The following PSD3 variants were observed in gnomAD, a reference collection of about 807,000 sequenced individuals.
PSD3 encodes the protein PH and SEC7 domain-containing protein 3.
PSD3 carries 49 observed loss-of-function variants against 105.5 expected under a neutral mutation model. The observed-to-expected ratio is 0.46, with a 90% confidence interval of 0.37 to 0.59. The LOEUF is 0.59. Among genes scored for constraint, PSD3 ranks in the 20% least tolerant of loss-of-function variants. PSD3 has a pLI of 0.00. For missense variants in PSD3, 1,561 were observed against 1,263.8 expected, an observed-to-expected ratio of 1.24 and a Z score of -3.57; for synonymous variants, 557 against 457.8, an observed-to-expected ratio of 1.22 and a Z score of -2.77.
At chr8:18,632,324 C>G (rs1411738623) in intron 11 of PSD3, among the ~76,000 whole-genome samples, 1 of 152,024 alleles carries the variant, frequency 6.6e-6, no homozygotes, top group African/African-American at 2.4e-5. Context: ...GTGGCTGGCA[C>G]AGCAGGTAGT....
At chr8:19,074,611 A>ATTTATATAT (rs1829396570) in intron 1 of PSD3, among the ~76,000 whole-genome samples, 1 of 24,230 alleles carries the variant, frequency 4.1e-5, no homozygotes, top group Non-Finnish European at 7.4e-5. Flanking sequence ...ATATATATAT[A>ATTTATATAT]TTTTTTTTTT....
At position 18,939,845 on chromosome 8, in the gene PSD3, C is replaced by G. The variant is rs528822445; in HGVS notation, c.22-3703G>C. ...AAATCACTTTAGTGGATCATGACCA[C>G]ATTTTTATATCAATAAGTTTATACA... On this transcript the variant is annotated intron_variant, in intron 1 of 15. Transcript: ENST00000327040. 8.5e-5 allele frequency among the ~76,000 whole-genome samples: 13 copies of G among 152,232 alleles called. No individual in the cohort carries two copies. In the East Asian group the frequency reaches 2.1e-3, roughly 25 times the overall value.
rs1799653041 is a variant in PSD3, at chr8:18,532,030, A to G, written c.*3713T>C. On this transcript the variant is annotated 3_prime_UTR_variant, in exon 16 of 16. Coordinates refer to ENST00000327040, the MANE Select transcript of PSD3 (RefSeq NM_015310.4). ...GCCAAAGGAACTCAATTTCAAGGAC[A>G]ATTAATGAAACCCAAAAGGTTTTGT... is the stretch of plus-strand genomic sequence containing the variant. 1 of 152,228 alleles carries G rather than the reference A, an allele frequency of 6.6e-6. No homozygotes were observed. The highest frequency in any genetic ancestry group is 1.5e-5 in the Non-Finnish European group (1 of 68,044). The allele number at this position is 152,228 out of a possible 1,614,324, so 9.4% of individuals were successfully genotyped here. A position where few individuals can be genotyped will look rare whatever the true frequency, so the allele number is the denominator to read the frequency against.
chr8:19,042,396 C>G (rs1053980304), intron 1 of PSD3, among the ~76,000 whole-genome samples: 2 of 152,094 alleles, frequency 1.3e-5, no homozygotes, highest in Non-Finnish European at 2.9e-5. Context: ...GCACACGTTT[C>G]AAACCAAAGT....
At chr8:19,040,734 A>G (rs1014091057) in intron 1 of PSD3, among the ~76,000 whole-genome samples, 3 of 152,180 alleles carry the variant, frequency 2.0e-5, no homozygotes, top group African/African-American at 7.2e-5. Flanking sequence ...GGTGCAAGTG[A>G]TGAGCTTACT....
chr8:18,662,507 T>C (rs551110440), intron 9 of PSD3, among the ~76,000 whole-genome samples: 2 of 152,358 alleles, frequency 1.3e-5, no homozygotes, highest in African/African-American at 2.4e-5. Context: ...AAAGATTTGA[T>C]AAAACAGAGA....
At chr8:18,873,653 T>C (rs1056214530) in intron 2 of PSD3, among the ~76,000 whole-genome samples, 4 of 152,196 alleles carry the variant, frequency 2.6e-5, no homozygotes, top group African/African-American at 4.8e-5. Flanking sequence ...ATAGTCACCA[T>C]GTTCTACAAC....
intron 11 of PSD3, among the ~76,000 whole-genome samples, chr8:18,629,253 G>C (rs1184634464): frequency 2.6e-5 from 4 of 151,872 alleles, no homozygotes; most frequent in African/African-American, 9.7e-5. Flanking sequence ...ATATATATAG[G>C]TATAAGGGAT....
chr8:18,932,288 AT>A (rs1194335032), intron 2 of PSD3, among the ~76,000 whole-genome samples: 2 of 152,232 alleles, frequency 1.3e-5, no homozygotes, highest in African/African-American at 4.8e-5. Context: ...TGCAGCTGCC[AT>A]CAGCACTTTG....
At chr8:18,854,435 G>A (rs1251133308) in intron 4 of PSD3, 1 of 152,198 alleles carries the variant, frequency 6.6e-6, no homozygotes, top group Non-Finnish European at 1.5e-5. Context: ...CAAACCTCTA[G>A]TTTAACTCTT....
At chr8:18,984,183 C>G (rs1266017456) in intron 1 of PSD3, among the ~76,000 whole-genome samples, 4 of 120,596 alleles carry the variant, frequency 3.3e-5, no homozygotes, top group Non-Finnish European at 5.7e-5. Flanking sequence ...TGCCACAACC[C>G]TTCAATTAAA....
intron 2 of PSD3, among the ~76,000 whole-genome samples, chr8:18,886,397 C>T (rs1392621078): frequency 6.6e-6 from 1 of 152,090 alleles, no homozygotes; most frequent in African/African-American, 2.4e-5. Flanking sequence ...GCGCGGGCAT[C>T]CCCGAATAAA....
At chr8:18,787,197 T>C (rs1361593812) in intron 8 of PSD3, among the ~76,000 whole-genome samples, 2 of 152,244 alleles carry the variant, frequency 1.3e-5, no homozygotes, top group African/African-American at 4.8e-5. Context: ...TAGTTTTGGA[T>C]AACTTTGCAT....
intron 4 of PSD3, 119 bp downstream of exon 4, chr8:18,867,555 T>G: frequency 7.7e-7 from 1 of 1,292,046 alleles, no homozygotes; most frequent in Non-Finnish European, 1.0e-6. Context: ...CTCACATCAT[T>G]TGCTTATGTC....
At chr8:18,596,179 G>A (rs2130545289) in intron 12 of PSD3, among the ~76,000 whole-genome samples, 1 of 150,732 alleles carries the variant, frequency 6.6e-6, no homozygotes, top group Non-Finnish European at 1.5e-5. Flanking sequence ...AAATCAAAAA[G>A]GAAATTGGAC....
Position 18,801,057 on chromosome 8 carries a change from G to A in PSD3, c.2023+213C>T, listed in dbSNP as rs1265630094. 1.3e-5 allele frequency: 5 copies of A among 378,714 alleles called. No individual in the cohort carries two copies. In the East Asian group the frequency reaches 1.8e-4, roughly 14 times the overall value. The allele number at this position is 378,714 out of a possible 1,614,324, so 23.5% of individuals were successfully genotyped here. ...AGAATATTTAATGACATGAGAAAAT[G>A]CTCACAATGAAATAAAAAGGCAGCT... is the stretch of plus-strand genomic sequence containing the variant. On this transcript the variant is annotated intron_variant, in intron 7 of 15. Transcript: ENST00000327040.
chr8:18,563,204 T>C (rs1200540535), intron 14 of PSD3, among the ~76,000 whole-genome samples: 1 of 152,184 alleles, frequency 6.6e-6, no homozygotes, highest in Non-Finnish European at 1.5e-5. Flanking sequence ...AGACATTACC[T>C]GCCTAACATG....
intron 2 of PSD3, among the ~76,000 whole-genome samples, chr8:18,903,430 G>T (rs1338178103): frequency 6.6e-6 from 1 of 152,122 alleles, no homozygotes; most frequent in African/African-American, 2.4e-5. Flanking sequence ...GCATGGTGGG[G>T]TGAAGAGTGT....
At chr8:19,021,722 T>C (rs184070199) in intron 1 of PSD3, among the ~76,000 whole-genome samples, 56 of 152,312 alleles carry the variant, frequency 3.7e-4, no homozygotes, top group Non-Finnish European at 5.7e-4. Flanking sequence ...CCTGGCATTA[T>C]GTAAAAACTT....
Sources: allele counts gnomAD v4.1 joint callset (sites outside exome capture counted in the v4.1 genomes callset), GRCh38; gene constraint gnomAD v4.1.1; transcripts MANE v1.5; gene names NCBI Gene and HGNC (gene_info 2026-07-23, HGNC 2026-07-21).